Variants in CDH12 observed in about 807,000 individuals in gnomAD.
CDH12 encodes the protein cadherin-12.
In CDH12, 41 loss-of-function variants were observed where a neutral mutation model predicts 74.1. The ratio of observed to expected loss-of-function variants is 0.55; its 90% CI spans 0.43 to 0.72. The LOEUF (loss-of-function observed/expected upper bound fraction) is 0.72. Among genes scored for constraint, CDH12 ranks in the 30% least tolerant of loss-of-function variants. The probability of loss-of-function intolerance (pLI) is 0.00; values close to 1 mark genes in which losing one functional copy is unlikely to be tolerated. For missense variants in CDH12, 945 were observed against 977.2 expected, an observed-to-expected ratio of 0.97 and a Z score of 0.44; for synonymous variants, 399 against 355.0, an observed-to-expected ratio of 1.12 and a Z score of -1.39.
intron 5 of CDH12, among the ~76,000 whole-genome samples, chr5:22,028,344 T>C (rs996235623): frequency 1.2e-4 from 18 of 152,204 alleles, no homozygotes; most frequent in Admixed American, 1.0e-3. Flanking sequence ...GATGACATGA[T>C]TGTATATCTA....
At chr5:22,533,172 T>C (rs539380280) in intron 1 of CDH12, among the ~76,000 whole-genome samples, 1 of 152,160 alleles carries the variant, frequency 6.6e-6, no homozygotes, top group Non-Finnish European at 1.5e-5. Context: ...GATTTGACAA[T>C]GTCAGGGGAC....
intron 6 of CDH12, among the ~76,000 whole-genome samples, chr5:21,961,289 T>C (rs1756353364): frequency 6.6e-6 from 1 of 152,306 alleles, no homozygotes; most frequent in African/African-American, 2.4e-5. Context: ...ATTCCATCTC[T>C]GATATTTCAG....
chr5:22,373,402 G>A (rs1741383176), intron 3 of CDH12, among the ~76,000 whole-genome samples: 1 of 152,182 alleles, frequency 6.6e-6, no homozygotes, highest in African/African-American at 2.4e-5. Context: ...CCATGGCCAA[G>A]GGGACTGAGA....
intron 4 of CDH12, among the ~76,000 whole-genome samples, chr5:22,082,064 T>A (rs1447412048): frequency 6.6e-6 from 1 of 152,160 alleles, no homozygotes. Flanking sequence ...TCTGTTTATG[T>A]CTTCCACCCA....
intron 1 of CDH12, among the ~76,000 whole-genome samples, chr5:22,783,842 A>T (rs974270109): frequency 2.6e-5 from 4 of 152,100 alleles, no homozygotes; most frequent in African/African-American, 9.7e-5. Flanking sequence ...GGAGTAAGCA[A>T]GATATGTGCC....
intron 1 of CDH12, among the ~76,000 whole-genome samples, chr5:22,717,261 T>G (rs569779696): frequency 6.6e-6 from 1 of 152,284 alleles, no homozygotes; most frequent in Non-Finnish European, 1.5e-5. Flanking sequence ...TTTAATCTTT[T>G]ACCTCACTTT....
chr5:22,186,767 G>T (rs188188804), intron 4 of CDH12, among the ~76,000 whole-genome samples: 1 of 152,202 alleles, frequency 6.6e-6, no homozygotes, highest in African/African-American at 2.4e-5. Context: ...CACTGAGCCT[G>T]GCCAGCATTT....
At chr5:22,188,465 CAGAG>C (rs963003111) in intron 4 of CDH12, among the ~76,000 whole-genome samples, 11 of 151,780 alleles carry the variant, frequency 7.2e-5, no homozygotes, top group Non-Finnish European at 1.2e-4. Context: ...ACAAAACAGA[CAGAG>C]AGAGAGAGGC....
At chr5:22,811,674 A>G (rs1439269074) in intron 1 of CDH12, among the ~76,000 whole-genome samples, 1 of 152,180 alleles carries the variant, frequency 6.6e-6, no homozygotes, top group East Asian at 1.9e-4. Flanking sequence ...TTACTAAGGC[A>G]TGGGGATTGG....
chr5:22,668,874 C>T (rs1469589231), intron 1 of CDH12, among the ~76,000 whole-genome samples: 1 of 152,150 alleles, frequency 6.6e-6, no homozygotes, highest in Middle Eastern at 3.4e-3. Context: ...CTCCTCTCCT[C>T]TTTTTTCAAC....
intron 9 of CDH12, among the ~76,000 whole-genome samples, chr5:21,803,815 G>A (rs1052433639): frequency 2.6e-5 from 4 of 151,964 alleles, no homozygotes; most frequent in African/African-American, 9.7e-5. Context: ...AGTACACCTG[G>A]GGAAAATAAA....
chr5:22,197,433 C>T (rs1416306953), intron 4 of CDH12, among the ~76,000 whole-genome samples: 7 of 151,934 alleles, frequency 4.6e-5, no homozygotes, highest in East Asian at 1.9e-4. Flanking sequence ...GGCAACAGAG[C>T]GAGACACCGT....
At chr5:21,786,860 C>T (rs73054924) in intron 10 of CDH12, among the ~76,000 whole-genome samples, 3,519 of 152,198 alleles carry the variant, frequency 0.023, 154 homozygotes, top group African/African-American at 0.08. Flanking sequence ...TTCCAAGCCT[C>T]ATGGATGACT....
intron 9 of CDH12, among the ~76,000 whole-genome samples, chr5:21,803,014 G>A (rs1309047722): frequency 6.6e-6 from 1 of 152,066 alleles, no homozygotes; most frequent in African/African-American, 2.4e-5. Flanking sequence ...CATTTTATAT[G>A]AGCAAAGTTA....
At chr5:21,956,509 TTAC>T (rs1267074989) in intron 6 of CDH12, among the ~76,000 whole-genome samples, 5 of 152,028 alleles carry the variant, frequency 3.3e-5, no homozygotes, top group Non-Finnish European at 7.4e-5. Context: ...TTTATTCTGT[TTAC>T]TACATTTTAT....
chr5:22,378,620 T>C (rs1339041142), intron 3 of CDH12, among the ~76,000 whole-genome samples: 3 of 152,146 alleles, frequency 2.0e-5, no homozygotes, highest in Non-Finnish European at 2.9e-5. Flanking sequence ...CACCAATGTT[T>C]ATACTTGAAC....
chr5:22,196,168 CAG>C (rs1750608376), intron 4 of CDH12, among the ~76,000 whole-genome samples: 1 of 136,600 alleles, frequency 7.3e-6, no homozygotes, highest in African/African-American at 2.8e-5. Context: ...TTTTTTTTGA[CAG>C]AGTCTTGCTC....
intron 3 of CDH12, among the ~76,000 whole-genome samples, chr5:22,291,680 T>C (rs1280300378): frequency 1.3e-5 from 2 of 152,084 alleles, no homozygotes; most frequent in Admixed American, 1.3e-4. Context: ...TACAAAACAC[T>C]GATTAAATAG....
intron 5 of CDH12, among the ~76,000 whole-genome samples, chr5:22,035,113 T>C (rs1404006935): frequency 1.3e-5 from 2 of 152,154 alleles, no homozygotes; most frequent in African/African-American, 4.8e-5. Flanking sequence ...CTTTCTGTAG[T>C]TCATATAAAG....
Sources: allele counts gnomAD v4.1 joint callset (sites outside exome capture counted in the v4.1 genomes callset), GRCh38; gene constraint gnomAD v4.1.1; transcripts MANE v1.5; gene names NCBI Gene and HGNC (gene_info 2026-07-23, HGNC 2026-07-21).